MBD1: variants seen among roughly 807,000 people sequenced by gnomAD.
MBD1 encodes the protein methyl-CpG binding domain protein 1, also known as methyl-CpG-binding domain protein 1.
A neutral mutation model predicts 82.6 loss-of-function variants in MBD1; 25 were observed. The ratio of observed to expected loss-of-function variants is 0.30; its 90% CI spans 0.22 to 0.42. The LOEUF is 0.42. Among genes scored for constraint, MBD1 ranks in the 10% least tolerant of loss-of-function variants. MBD1 has a pLI of 1.00. For synonymous variants in MBD1, 301 were observed against 303.7 expected (o/e 0.99, Z 0.09); for missense variants, 627 against 819.6 (o/e 0.76, Z 2.87).
In MBD1 at chr18:50,281,380, G is replaced by C; in HGVS notation, c.-43C>G. The C allele has an allele frequency of 1.4e-6, 1 of 719,058 alleles. No homozygotes were observed. The highest frequency in any genetic ancestry group is 2.4e-6 in the Non-Finnish European group (1 of 416,480). The allele number at this position is 719,058 out of a possible 1,614,324, so 44.5% of individuals were successfully genotyped here. On this transcript the variant is annotated 5_prime_UTR_variant, in exon 1 of 17. Transcript: ENST00000269468. ...TGTCTCACCAGTTTGGCACCAGGCC[G>C]GTATCTTCCGCCACTCTAGGCCCGT...
At chr18:50,270,951 T>C in intron 16 of MBD1, 1 of 783,680 alleles carries the variant, frequency 1.3e-6, no homozygotes, top group Non-Finnish European at 1.6e-6. Flanking sequence ...GTCTCAGTTT[T>C]CCCATCCACA....
Position 50,275,955 on chromosome 18 carries a change from G to A in MBD1, c.543C>T (p.Ala181=). 5.0e-6 allele frequency: 8 copies of A among 1,613,440 alleles called. No homozygotes were observed. The highest frequency in any genetic ancestry group is 6.8e-6 in the Non-Finnish European group (8 of 1,180,024). Residue 181 remains alanine (A), a synonymous_variant, in exon 7 of 17, where the codon GCC becomes GCT. Transcript: ENST00000269468. ...CCCCACAGTCTTCTGTTACCTGGCA[G>A]GCTGCACACTCCCCACAGCCCACAC... is the stretch of plus-strand genomic sequence containing the variant. ...FKRVGCGECA[A]CQVTEDCGAC...
Position 50,275,734 on chromosome 18 carries a change from GGC to G in MBD1, c.664-8_664-7del, listed in dbSNP as rs1449619345. ...CATACTCCACACCCTCGGCTCTGTT[GGC>G]GGGGGGCAGGTGGGAGCAGAGGCAT... On this transcript the variant is annotated splice_region_variant and splice_polypyrimidine_tract_variant and intron_variant, in intron 7 of 16. Transcript: ENST00000269468. 1 of 1,614,202 alleles carries G rather than the reference GGC, an allele frequency of 6.2e-7. No individual in the cohort carries two copies. Among genetic ancestry groups the G allele is most frequent in the South Asian group, 1.1e-5 (1 of 91,088 alleles).
Position 50,275,887 on chromosome 18 carries a change from G to A in MBD1, c.611C>T (p.Ser204Leu), listed in dbSNP as rs1391447151. The change falls in exon 7 of 17, where the codon TCG (serine) becomes TTG (leucine). Residue 204 changes from serine to leucine, a missense_variant. By Grantham distance (145) the Ser-to-Leu change is moderately radical. Around this residue, in one of 6 missense-constraint regions of MBD1, gnomAD observed 228 missense variants for 318.1 expected, o/e 0.72. Coordinates refer to ENST00000269468, the MANE Select transcript of MBD1 (RefSeq NM_015846.4). ...CLLQLPHDVA[S>L]GLFCKCERRR... ...CCGTTCACACTTGCAGAACAGCCCC[G>A]ATGCCACATCATGGGGCAGCTGCAG... 6.2e-6 allele frequency: 10 copies of A among 1,614,032 alleles called. No individual in the cohort carries two copies. The highest frequency in any genetic ancestry group is 1.3e-5 in the African/African-American group (1 of 74,926).
intron 2 of MBD1, among the ~76,000 whole-genome samples, chr18:50,279,265 AC>A (rs1372490094): frequency 6.6e-6 from 1 of 152,216 alleles, no homozygotes; most frequent in Admixed American, 6.5e-5. Context: ...CTCATCTCTT[AC>A]ATAGCTTCAA....
chr18:50,271,419 C>A, intron 16 of MBD1, 50 bp downstream of exon 16: 1 of 1,613,698 alleles, frequency 6.2e-7, no homozygotes, highest in Non-Finnish European at 8.5e-7. Context: ...TAGGGTCCAG[C>A]CCCTAGTAGA....
intron 16 of MBD1, chr18:50,271,052 T>G (rs2035300733): frequency 9.8e-7 from 1 of 1,019,308 alleles, no homozygotes; most frequent in Admixed American, 5.1e-5. Context: ...TAGCAGTTCC[T>G]TTCCTTATTT....
chr18:50,273,623 C>A lies in MBD1; in HGVS notation c.1387G>T (p.Ala463Ser), dbSNP rs763959325. 3.1e-6 allele frequency: 5 copies of A among 1,613,462 alleles called. No homozygotes were observed. The highest frequency in any genetic ancestry group is 4.2e-6 in the Non-Finnish European group (5 of 1,180,026). The change falls in exon 12 of 17, where the codon GCA (alanine) becomes TCA (serine). Residue 463 changes from alanine (A) to serine (S), a missense_variant. By Grantham distance (99) the Ala-to-Ser change is moderately conservative. Transcript: ENST00000269468. Reference protein sequence around the residue: ...GTDLVFLREGASSPVQVPGPV... With the variant: ...GTDLVFLREGSSSPVQVPGPV... ...CCCGGCACCTGCACAGGACTGCTTG[C>A]GCCTTCCCGTAAAAACACAAGGTCA...
intron 5 of MBD1, 87 bp from the exon 6 acceptor site, chr18:50,276,505 A>T: frequency 6.8e-7 from 1 of 1,474,546 alleles, no homozygotes; most frequent in East Asian, 2.3e-5. Flanking sequence ...GACTTCCACT[A>T]TTCAACCTCT....
chr18:50,276,190 G>A, intron 6 of MBD1, 188 bp downstream of exon 6: 1 of 824,610 alleles, frequency 1.2e-6, no homozygotes, highest in Non-Finnish European at 2.0e-6. Context: ...TGTGTCTACT[G>A]ATGCACTAAT....
At chr18:50,277,725 T>A (rs1162714251) in intron 2 of MBD1, among the ~76,000 whole-genome samples, 1 of 152,172 alleles carries the variant, frequency 6.6e-6, no homozygotes, top group Non-Finnish European at 1.5e-5. Flanking sequence ...TCCTTTTTGA[T>A]AAACTATCTT....
Position 50,281,444 on chromosome 18 carries a change from G to A in MBD1, c.-107C>T, listed in dbSNP as rs2040237163. 5 of 589,686 alleles carry A rather than the reference G, an allele frequency of 8.5e-6. No individual in the cohort carries two copies. In the East Asian group the frequency reaches 1.4e-4, roughly 17 times the overall value. The allele number at this position is 589,686 out of a possible 1,614,324, so 36.5% of individuals were successfully genotyped here. ...GGGTCCCTCCTGCACCTCCCGCCTC[G>A]CCCTCCTCCCCTTCCTCCTCCTCCG... On this transcript the variant is annotated 5_prime_UTR_variant, in exon 1 of 17. Coordinates refer to ENST00000269468, the MANE Select transcript of MBD1 (RefSeq NM_015846.4).
intron 16 of MBD1, 182 bp downstream of exon 16, chr18:50,271,287 T>C (rs2035411974): frequency 2.0e-6 from 3 of 1,472,730 alleles, no homozygotes; most frequent in African/African-American, 2.8e-5. Context: ...CTTTCTACTC[T>C]TTCTCTTCCT....
At chr18:50,279,421 T>C (rs886071143) in intron 2 of MBD1, among the ~76,000 whole-genome samples, 4 of 152,218 alleles carry the variant, frequency 2.6e-5, no homozygotes, top group African/African-American at 4.8e-5. Context: ...CAGCAAAGTT[T>C]ATCTGCCTTG....
rs756616607 is a variant in MBD1 at position 50,276,932 on chromosome 18, G to A, written c.292C>T (p.Arg98Cys). 6.8e-6 allele frequency: 11 copies of A among 1,614,072 alleles called. No individual in the cohort carries two copies. The highest frequency in any genetic ancestry group is 5.5e-5 in the South Asian group (5 of 91,088). ...TCACCACTCTGGGGTCCAACCTGAC[G>A]TTTCCGAGTCTTGGCTGGCCTTGAA... is the stretch of plus-strand genomic sequence containing the variant. ...KPSRPAKTRK[R>C]QVGPQSGEVR... is the part of the protein sequence containing the mutation. The change falls in exon 4 of 17, where the codon CGT becomes TGT. Residue 98 changes from arginine (R) to cysteine (C), a missense_variant. Transcript: ENST00000269468.
chr18:50,281,579 G>A (rs1456586894), upstream of MBD1: 2 of 556,336 alleles, frequency 3.6e-6, no homozygotes, highest in Admixed American at 6.7e-5. Flanking sequence ...AAGCACCTGC[G>A]CACTATTGCC....
rs995266152 is a variant in MBD1, at chr18:50,269,303, T to C, written c.*548A>G. 5.8e-5 allele frequency: 72 copies of C among 1,245,962 alleles called. 1 individual carries two copies. The highest frequency in any genetic ancestry group is 7.2e-5 in the Non-Finnish European group (71 of 981,148). 77.2% of individuals were successfully genotyped at this position (1,245,962 alleles called of 1,614,324 possible). A position where few individuals can be genotyped will look rare whatever the true frequency, so the allele number is the denominator to read the frequency against. ...ATCCTCAGGTGAGCAGTGAGACCCTTGGGAGCGGATTCATGGTAGGGTGGC... is the reference window on the plus strand; with the variant it reads ...ATCCTCAGGTGAGCAGTGAGACCCTCGGGAGCGGATTCATGGTAGGGTGGC... On this transcript the variant is annotated 3_prime_UTR_variant, in exon 17 of 17. Transcript: ENST00000269468.
intron 13 of MBD1, 82 bp from the exon 14 acceptor site, chr18:50,273,037 G>T: frequency 6.5e-7 from 1 of 1,545,824 alleles, no homozygotes; most frequent in Non-Finnish European, 8.9e-7. Flanking sequence ...CCCTCACTGT[G>T]CTGACAAATC....
At chr18:50,273,530 A>C in intron 12 of MBD1, 34 bp downstream of exon 12, 1 of 1,613,422 alleles carries the variant, frequency 6.2e-7, no homozygotes, top group Non-Finnish European at 8.5e-7. Context: ...CAGCTGGGTG[A>C]GGCTGGGAAG....
Sources: gnomAD v4.1 joint callset for allele counts (sites outside exome capture counted in the v4.1 genomes callset) on GRCh38, gnomAD v4.1.1 for gene constraint, gnomAD v4.1.1 regional missense constraint, MANE v1.5 for transcripts, NCBI Gene and HGNC (gene_info 2026-07-23, HGNC 2026-07-21) for gene names.